The following MIPOL1 variants were observed in gnomAD, a reference collection of about 807,000 sequenced individuals.
MIPOL1 encodes the protein mirror-image polydactyly gene 1 protein.
MIPOL1 carries 57 observed loss-of-function variants against 60.9 expected under a neutral mutation model. The observed-to-expected ratio is 0.94, with a 90% CI of 0.76 to 1.17. MIPOL1 has a LOEUF of 1.17. Ranked by LOEUF, MIPOL1 falls within the 50% of genes most tolerant of loss-of-function variation. The probability of loss-of-function intolerance (pLI) is 0.00; values close to 1 mark genes in which losing one functional copy is unlikely to be tolerated. For synonymous variants in MIPOL1, 179 were observed against 168.8 expected, an observed-to-expected ratio of 1.06 and a Z score of -0.47; for missense variants, 551 against 511.6, an observed-to-expected ratio of 1.08 and a Z score of -0.74.
chr14:37,339,354 G>A (rs1217535293), intron 9 of MIPOL1, among the ~76,000 whole-genome samples: 1 of 152,170 alleles, frequency 6.6e-6, no homozygotes, highest in African/African-American at 2.4e-5. Context: ...ATTGCTAATG[G>A]GAGTGTGAAA....
intron 1 of MIPOL1, among the ~76,000 whole-genome samples, chr14:37,237,389 A>G (rs902751546): frequency 6.6e-6 from 1 of 152,146 alleles, no homozygotes; most frequent in Non-Finnish European, 1.5e-5. Flanking sequence ...GAATAAAGCC[A>G]TATAATACTG....
intron 4 of MIPOL1, among the ~76,000 whole-genome samples, 153 bp from the exon 5 acceptor site, chr14:37,268,505 A>C (rs1010595401): frequency 2.0e-5 from 3 of 152,168 alleles, no homozygotes; most frequent in Non-Finnish European, 4.4e-5. Flanking sequence ...TTACAAATTT[A>C]ATATAAGGCC....
intron 1 of MIPOL1, among the ~76,000 whole-genome samples, chr14:37,202,477 T>C (rs957311843): frequency 2.6e-5 from 4 of 152,130 alleles, no homozygotes; most frequent in African/African-American, 9.7e-5. Context: ...ATTGTGTTCA[T>C]ATGCGTGTTT....
Position 37,304,828 on chromosome 14 carries a change from G to A in MIPOL1, c.624-3228G>A, listed in dbSNP as rs184828563. ...CTTGAGCCCATAGACATTTACTTCA[G>A]CAAAATTCTTACTAATTATCATGAC... On this transcript the variant is annotated intron_variant, in intron 7 of 12. Coordinates refer to ENST00000684589, the MANE Select transcript of MIPOL1 (RefSeq NM_001388067.1). 1.7e-3 allele frequency among the ~76,000 whole-genome samples: 251 copies of A among 151,868 alleles called. 1 individual carries two copies. The highest frequency in any genetic ancestry group is 5.7e-3 in the African/African-American group (237 of 41,504).
intron 10 of MIPOL1, among the ~76,000 whole-genome samples, chr14:37,371,166 CTG>C (rs1468776186): frequency 1.3e-5 from 2 of 150,598 alleles, no homozygotes; most frequent in Non-Finnish European, 1.5e-5. Flanking sequence ...ATTGCCCAGA[CTG>C]GAGTGCAGTG....
chr14:37,232,438 A>G (rs946371523), intron 1 of MIPOL1, among the ~76,000 whole-genome samples: 1 of 152,184 alleles, frequency 6.6e-6, no homozygotes, highest in Non-Finnish European at 1.5e-5. Flanking sequence ...AATATTTTAT[A>G]TAAAAGGAGA....
At chr14:37,431,210 A>G (rs2094057553) in intron 11 of MIPOL1, among the ~76,000 whole-genome samples, 1 of 152,210 alleles carries the variant, frequency 6.6e-6, no homozygotes, top group African/African-American at 2.4e-5. Flanking sequence ...GGCACTCAGA[A>G]TCACTATTAT....
chr14:37,461,963 T>C lies in MIPOL1; in HGVS notation c.1032-37945T>C, dbSNP rs539469203. ...TGTCAGTAGATCTACCATTCTGGGG[T>C]CTGGAAGACAGTGGCCCTCTTCTCA... On this transcript the variant is annotated intron_variant, in intron 11 of 12. Transcript: ENST00000684589. Among the ~76,000 whole-genome samples, 6 of 152,210 alleles carry C rather than the reference T, an allele frequency of 3.9e-5. No homozygotes were observed. The South Asian group carries it at 1.2e-3, about 32-fold the overall frequency.
chr14:37,443,991 G>T (rs1595798836), intron 11 of MIPOL1, among the ~76,000 whole-genome samples: 1 of 152,064 alleles, frequency 6.6e-6, no homozygotes, highest in African/African-American at 2.4e-5. Flanking sequence ...ACATCAGGAG[G>T]AAATTTACAG....
chr14:37,500,274 T>A, intron 12 of MIPOL1, 136 bp downstream of exon 12: 1 of 688,472 alleles, frequency 1.5e-6, no homozygotes, highest in Non-Finnish European at 2.4e-6. Flanking sequence ...CCAGTGAACT[T>A]TTTTAGATTG....
At chr14:37,417,135 C>T in intron 10 of MIPOL1, among the ~76,000 whole-genome samples, 1 of 152,100 alleles carries the variant, frequency 6.6e-6, no homozygotes, top group South Asian at 2.1e-4. Flanking sequence ...GGTGGGACCC[C>T]AGCCTTTCTG....
At chr14:37,473,485 C>A (rs886178993) in intron 11 of MIPOL1, among the ~76,000 whole-genome samples, 6 of 152,044 alleles carry the variant, frequency 3.9e-5, no homozygotes, top group Non-Finnish European at 8.8e-5. Context: ...TGTCTAGTTT[C>A]ACTCCTACTG....
chr14:37,306,207 T>C (rs1049771939), intron 7 of MIPOL1, among the ~76,000 whole-genome samples: 4 of 151,872 alleles, frequency 2.6e-5, no homozygotes, highest in African/African-American at 9.7e-5. Context: ...AGTAATGCTT[T>C]ACATTGCAAT....
intron 11 of MIPOL1, among the ~76,000 whole-genome samples, chr14:37,432,304 T>C (rs926936124): frequency 5.3e-5 from 8 of 152,232 alleles, no homozygotes; most frequent in Non-Finnish European, 1.0e-4. Flanking sequence ...TGAATATGTG[T>C]CTTAACTCCC....
In MIPOL1 at chr14:37,427,568, T is replaced by TTTATGTTGTC. The variant is rs1195769447; in HGVS notation, c.1031+4620_1031+4629dup. Among the ~76,000 whole-genome samples, 104 of 152,126 alleles carry TTTATGTTGTC rather than the reference T, an allele frequency of 6.8e-4. 1 individual carries two copies. The highest frequency in any genetic ancestry group is 1.9e-4 in the Non-Finnish European group (13 of 68,018). Reference sequence around the variant, plus strand: ...AGTTAAAATGATTAAAATAGTAAATTTTATGTTGTCATTTTACCACACATT... The same window carrying TTTATGTTGTC: ...AGTTAAAATGATTAAAATAGTAAATTTTATGTTGTCTTATGTTGTCATTTTACCACACATT... On this transcript the variant is annotated intron_variant, in intron 11 of 12. Transcript: ENST00000684589.
chr14:37,310,431 C>G (rs761365209), intron 9 of MIPOL1, among the ~76,000 whole-genome samples: 3 of 152,132 alleles, frequency 2.0e-5, no homozygotes, highest in African/African-American at 4.8e-5. Flanking sequence ...AAGATAACTT[C>G]TGCATGCCCA....
intron 11 of MIPOL1, among the ~76,000 whole-genome samples, chr14:37,431,274 CT>C (rs1344074478): frequency 6.6e-6 from 1 of 152,106 alleles, no homozygotes; most frequent in Non-Finnish European, 1.5e-5. Context: ...TGATTCATCG[CT>C]TTCTTAAATT....
chr14:37,384,688 C>T (rs998683548), intron 10 of MIPOL1, among the ~76,000 whole-genome samples: 3 of 151,836 alleles, frequency 2.0e-5, no homozygotes, highest in South Asian at 2.1e-4. Context: ...ATTCCCTTAA[C>T]AGTACCTGTT....
intron 7 of MIPOL1, among the ~76,000 whole-genome samples, chr14:37,299,264 G>C (rs1013291821): frequency 2.2e-5 from 3 of 139,150 alleles, no homozygotes; most frequent in African/African-American, 8.1e-5. Flanking sequence ...ACAGGAAGGG[G>C]AACATCACAC....
Sources: gnomAD v4.1 joint callset for allele counts (sites outside exome capture counted in the v4.1 genomes callset) on GRCh38, gnomAD v4.1.1 for gene constraint, MANE v1.5 for transcripts, NCBI Gene and HGNC (gene_info 2026-07-23, HGNC 2026-07-21) for gene names.